The following CFAP77 variants were observed in gnomAD, a reference collection of about 807,000 sequenced individuals.
CFAP77 encodes cilia- and flagella-associated protein 77.
Under a neutral mutation model 31.1 loss-of-function variants are expected in CFAP77, and 25 were observed. The ratio of observed to expected loss-of-function variants is 0.80; its 90% CI spans 0.59 to 1.12. The LOEUF is 1.12. Ranked by LOEUF, CFAP77 falls within the 50% of genes most tolerant of loss-of-function variation. The probability of loss-of-function intolerance (pLI) is 0.00; values close to 1 mark genes in which losing one functional copy is unlikely to be tolerated. For missense variants in CFAP77, 377 were observed against 397.3 expected, an observed-to-expected ratio of 0.95 and a Z score of 0.44; for synonymous variants, 151 against 159.9, an observed-to-expected ratio of 0.94 and a Z score of 0.42.
intron 1 of CFAP77, among the ~76,000 whole-genome samples, chr9:132,472,224 A>G (rs1851272667): frequency 6.6e-6 from 1 of 152,226 alleles, no homozygotes; most frequent in East Asian, 1.9e-4. Context: ...TCTGGCACAC[A>G]TCTGACACTG....
At chr9:132,465,692 T>A (rs1851141339) in intron 1 of CFAP77, among the ~76,000 whole-genome samples, 1 of 152,232 alleles carries the variant, frequency 6.6e-6, no homozygotes, top group Non-Finnish European at 1.5e-5. Context: ...ACAACAAGCA[T>A]GAAGTAACTT....
intron 1 of CFAP77, among the ~76,000 whole-genome samples, chr9:132,459,923 T>C (rs1227858129): frequency 6.6e-6 from 1 of 151,886 alleles, no homozygotes; most frequent in Non-Finnish European, 1.5e-5. Context: ...TGAGTTTGTA[T>C]GAGTGTGTGC....
chr9:132,503,975 G>A (rs982810027), intron 3 of CFAP77, among the ~76,000 whole-genome samples: 7 of 152,282 alleles, frequency 4.6e-5, no homozygotes, highest in Middle Eastern at 3.4e-3. Context: ...GGCGGTGGAG[G>A]TTGCAGCGAA....
chr9:132,458,790 T>G (rs1850975355), intron 1 of CFAP77, among the ~76,000 whole-genome samples: 1 of 152,230 alleles, frequency 6.6e-6, no homozygotes, highest in African/African-American at 2.4e-5. Flanking sequence ...ACGCTTCTGT[T>G]GGTGATACCT....
At chr9:132,484,801 A>G (rs893883951) in intron 1 of CFAP77, among the ~76,000 whole-genome samples, 5 of 150,974 alleles carry the variant, frequency 3.3e-5, no homozygotes, top group Non-Finnish European at 7.4e-5. Context: ...GTATATCACT[A>G]CAAGTGGCAT....
intron 1 of CFAP77, among the ~76,000 whole-genome samples, chr9:132,436,304 T>C (rs1277545961): frequency 6.6e-6 from 1 of 152,170 alleles, no homozygotes; most frequent in Non-Finnish European, 1.5e-5. Flanking sequence ...TCACGTGGCC[T>C]CTCTCCTGTG....
intron 4 of CFAP77, among the ~76,000 whole-genome samples, chr9:132,542,622 A>T (rs547404728): frequency 1.3e-5 from 2 of 152,330 alleles, no homozygotes; most frequent in Admixed American, 6.5e-5. Flanking sequence ...TGAGCCACGG[A>T]GGACAAGTTC....
intron 3 of CFAP77, among the ~76,000 whole-genome samples, chr9:132,507,260 C>T (rs1851947351): frequency 6.6e-6 from 1 of 152,164 alleles, no homozygotes. Flanking sequence ...CGGAGGAGGC[C>T]TTCGTGGAGT....
At chr9:132,544,982 C>T (rs1169726345) in intron 5 of CFAP77, among the ~76,000 whole-genome samples, 1 of 152,222 alleles carries the variant, frequency 6.6e-6, no homozygotes, top group Non-Finnish European at 1.5e-5. Flanking sequence ...ACACAGGAGG[C>T]TCAGGTGTTC....
intron 1 of CFAP77, among the ~76,000 whole-genome samples, chr9:132,450,864 G>A (rs2131713083): frequency 6.6e-6 from 1 of 152,332 alleles, no homozygotes; most frequent in Non-Finnish European, 1.5e-5. Flanking sequence ...TGAGTGAGAG[G>A]TAAGCAGCAG....
intron 1 of CFAP77, among the ~76,000 whole-genome samples, chr9:132,492,517 G>A (rs566299394): frequency 6.6e-6 from 1 of 152,308 alleles, no homozygotes; most frequent in East Asian, 1.9e-4. Flanking sequence ...CTAAATGCCA[G>A]CTCATGAAGT....
chr9:132,477,666 C>G (rs1851372875), intron 1 of CFAP77, among the ~76,000 whole-genome samples: 1 of 152,222 alleles, frequency 6.6e-6, no homozygotes, highest in Non-Finnish European at 1.5e-5. Context: ...ACAGGATGCT[C>G]TTGCCTTCTC....
chr9:132,543,801 G>C (rs1380791427), intron 5 of CFAP77, among the ~76,000 whole-genome samples: 1 of 152,208 alleles, frequency 6.6e-6, no homozygotes, highest in African/African-American at 2.4e-5. Context: ...TGTTCACTCA[G>C]CCTTGTAGCC....
chr9:132,504,773 C>A (rs1851905771), intron 3 of CFAP77, among the ~76,000 whole-genome samples: 1 of 142,936 alleles, frequency 7.0e-6, no homozygotes, highest in Non-Finnish European at 1.5e-5. Context: ...TACTGAGATG[C>A]CCAACCTGCG....
At chr9:132,509,798 G>C (rs990363632) in intron 3 of CFAP77, among the ~76,000 whole-genome samples, 3 of 152,054 alleles carry the variant, frequency 2.0e-5, no homozygotes, top group Admixed American at 6.5e-5. Context: ...TGGGGGACAG[G>C]CAGGGAGCCA....
chr9:132,482,374 T>G (rs745527286), intron 1 of CFAP77: 2 of 1,614,034 alleles, frequency 1.2e-6, no homozygotes, highest in South Asian at 1.1e-5. Context: ...GTGCAGAAAG[T>G]TATTCCTTCC....
intron 3 of CFAP77, among the ~76,000 whole-genome samples, chr9:132,507,877 CAGAG>C (rs1368070165): frequency 6.6e-6 from 1 of 151,672 alleles, no homozygotes; most frequent in African/African-American, 2.4e-5. Flanking sequence ...CCCCGGGCCT[CAGAG>C]AGGGCCTGAA....
At chr9:132,459,421 G>T (rs1174270374) in intron 1 of CFAP77, among the ~76,000 whole-genome samples, 1 of 53,656 alleles carries the variant, frequency 1.9e-5, no homozygotes, top group East Asian at 3.3e-4. Context: ...GATGAATAGG[G>T]TGTGTGTGTG....
intron 3 of CFAP77, among the ~76,000 whole-genome samples, chr9:132,523,066 C>T (rs1394446840): frequency 6.6e-6 from 1 of 150,848 alleles, no homozygotes; most frequent in Non-Finnish European, 1.5e-5. Context: ...GTGGACATCA[C>T]TGGTAGGCTT....
Sources: allele counts gnomAD v4.1 joint callset (sites outside exome capture counted in the v4.1 genomes callset), GRCh38; gene constraint gnomAD v4.1.1; transcripts MANE v1.5; gene names NCBI Gene and HGNC (gene_info 2026-07-23, HGNC 2026-07-21).